Variants in ZMAT4 observed in about 807,000 individuals in gnomAD.
ZMAT4 encodes the protein zinc finger matrin-type 4, also known as zinc finger matrin-type protein 4.
A neutral mutation model predicts 28.7 loss-of-function variants in ZMAT4; 17 were observed. The observed-to-expected ratio is 0.59, with a 90% CI of 0.41 to 0.89. The LOEUF (loss-of-function observed/expected upper bound fraction) is 0.89, where lower values mean the gene tolerates loss of function less well. ZMAT4 is among the 40% of genes least tolerant of loss of function. The pLI, the probability that ZMAT4 is intolerant of heterozygous loss-of-function variation, is 0.00. For missense variants in ZMAT4, 240 were observed against 283.8 expected (o/e 0.85, Z 1.11); for synonymous variants, 117 against 109.2 (o/e 1.07, Z -0.44).
intron 1 of ZMAT4, among the ~76,000 whole-genome samples, chr8:40,861,143 G>A (rs2221861): frequency 6.6e-6 from 1 of 152,086 alleles, no homozygotes; most frequent in Non-Finnish European, 1.5e-5. Flanking sequence ...ACTCTGCTAG[G>A]GCCAGGGGGG....
At chr8:40,819,417 C>T (rs546112227) in intron 2 of ZMAT4, among the ~76,000 whole-genome samples, 1 of 152,146 alleles carries the variant, frequency 6.6e-6, no homozygotes, top group African/African-American at 2.4e-5. Flanking sequence ...GGTGCAGACA[C>T]CTAGGCCTTC....
chr8:40,590,817 G>T (rs180811320), intron 5 of ZMAT4, among the ~76,000 whole-genome samples: 1 of 152,034 alleles, frequency 6.6e-6, no homozygotes, highest in Admixed American at 6.6e-5. Flanking sequence ...TTTCTGCTAA[G>T]CCACATCTTT....
At chr8:40,609,034 C>G (rs1373850041) in intron 5 of ZMAT4, among the ~76,000 whole-genome samples, 1 of 152,184 alleles carries the variant, frequency 6.6e-6, no homozygotes. Flanking sequence ...ATGTGAGTGT[C>G]CACACACTGC....
At chr8:40,574,991 G>T (rs1305806857) in intron 6 of ZMAT4, among the ~76,000 whole-genome samples, 1 of 152,166 alleles carries the variant, frequency 6.6e-6, no homozygotes, top group Non-Finnish European at 1.5e-5. Context: ...GTCACTGCTG[G>T]AGTGTGACCT....
At chr8:40,808,538 T>C (rs1283369967) in intron 2 of ZMAT4, 1 of 455,748 alleles carries the variant, frequency 2.2e-6, no homozygotes, top group Non-Finnish European at 4.4e-6. Flanking sequence ...TAGTTTTAAG[T>C]TACATTGCTC....
intron 1 of ZMAT4, among the ~76,000 whole-genome samples, chr8:40,894,345 C>G (rs1013981034): frequency 2.6e-5 from 4 of 152,194 alleles, no homozygotes; most frequent in African/African-American, 4.8e-5. Context: ...TTCCACAATT[C>G]CTGATGTCCC....
At chr8:40,831,252 G>A (rs541315258) in intron 1 of ZMAT4, among the ~76,000 whole-genome samples, 4 of 152,108 alleles carry the variant, frequency 2.6e-5, no homozygotes, top group Non-Finnish European at 4.4e-5. Context: ...TGAAGACCCC[G>A]TACTGCATAA....
At chr8:40,630,642 G>A (rs1290711066) in intron 5 of ZMAT4, among the ~76,000 whole-genome samples, 3 of 152,200 alleles carry the variant, frequency 2.0e-5, no homozygotes, top group Non-Finnish European at 4.4e-5. Flanking sequence ...AAAAGATACT[G>A]TAAGCTGTAC....
chr8:40,640,915 C>T (rs1489211495), intron 5 of ZMAT4, among the ~76,000 whole-genome samples: 1 of 148,354 alleles, frequency 6.7e-6, no homozygotes, highest in Non-Finnish European at 1.5e-5. Flanking sequence ...GCCGAGATTG[C>T]ACCACTGCAC....
chr8:40,765,922 T>C (rs1813139513), intron 3 of ZMAT4, among the ~76,000 whole-genome samples: 1 of 152,236 alleles, frequency 6.6e-6, no homozygotes, highest in Non-Finnish European at 1.5e-5. Flanking sequence ...TTCTATTCTT[T>C]CTGCTAATAG....
At chr8:40,593,658 C>A (rs766626562) in intron 5 of ZMAT4, among the ~76,000 whole-genome samples, 1 of 152,210 alleles carries the variant, frequency 6.6e-6, no homozygotes, top group Non-Finnish European at 1.5e-5. Flanking sequence ...GAAGTGGATG[C>A]AGCATTGGTG....
chr8:40,851,349 C>CA (rs895112191), intron 1 of ZMAT4, among the ~76,000 whole-genome samples: 27 of 150,504 alleles, frequency 1.8e-4, no homozygotes, highest in African/African-American at 3.4e-4. Context: ...AACAAACAAA[C>CA]AAAAAAAAAC....
At chr8:40,667,134 TTC>T (rs1341617552) in intron 5 of ZMAT4, among the ~76,000 whole-genome samples, 1 of 151,556 alleles carries the variant, frequency 6.6e-6, no homozygotes, top group Non-Finnish European at 1.5e-5. Flanking sequence ...CCGCAATAAT[TTC>T]TTTTTTTTTT....
chr8:40,708,172 G>A (rs1810443993), intron 3 of ZMAT4, among the ~76,000 whole-genome samples: 1 of 152,132 alleles, frequency 6.6e-6, no homozygotes, highest in Admixed American at 6.5e-5. Context: ...ATAGAGTGAG[G>A]CAATGAGAGC....
At chr8:40,832,542 C>T (rs1222689085) in intron 1 of ZMAT4, among the ~76,000 whole-genome samples, 27 of 152,182 alleles carry the variant, frequency 1.8e-4, no homozygotes, top group African/African-American at 2.4e-5. Context: ...CCCCTGCTCA[C>T]CCATGCCACC....
At chr8:40,859,411 A>AGGG (rs1817410780) in intron 1 of ZMAT4, among the ~76,000 whole-genome samples, 5 of 152,046 alleles carry the variant, frequency 3.3e-5, no homozygotes, top group African/African-American at 1.2e-4. Flanking sequence ...CCAAATCTTC[A>AGGG]ATCCCTCAAA....
chr8:40,633,239 T>G (rs1806660030), intron 5 of ZMAT4, among the ~76,000 whole-genome samples: 1 of 152,244 alleles, frequency 6.6e-6, no homozygotes, highest in African/African-American at 2.4e-5. Context: ...TTTTTCCTGT[T>G]ATTAACCCCA....
At chr8:40,851,204 C>T (rs565116760) in intron 1 of ZMAT4, among the ~76,000 whole-genome samples, 10 of 152,090 alleles carry the variant, frequency 6.6e-5, no homozygotes, top group East Asian at 5.8e-4. Context: ...GCACATTGCC[C>T]GTAATCCCAG....
intron 5 of ZMAT4, among the ~76,000 whole-genome samples, chr8:40,655,604 A>T (rs1807882425): frequency 6.6e-6 from 1 of 152,054 alleles, no homozygotes; most frequent in South Asian, 2.1e-4. Context: ...CAGAAAAAAA[A>T]AAGACATATG....
Sources: gnomAD v4.1 joint callset for allele counts (sites outside exome capture counted in the v4.1 genomes callset) on GRCh38, gnomAD v4.1.1 for gene constraint, MANE v1.5 for transcripts, NCBI Gene and HGNC (gene_info 2026-07-23, HGNC 2026-07-21) for gene names.